Variants in SECISBP2L observed in about 807,000 individuals in gnomAD.
The protein encoded by SECISBP2L is SECIS binding protein 2 like, also known as selenocysteine insertion sequence-binding protein 2-like.
A neutral mutation model predicts 114.7 loss-of-function variants in SECISBP2L; 43 were observed. The ratio of observed to expected loss-of-function variants is 0.38; its 90% CI spans 0.29 to 0.48. The LOEUF (loss-of-function observed/expected upper bound fraction) is 0.48. Among genes scored for constraint, SECISBP2L ranks in the 20% least tolerant of loss-of-function variants. SECISBP2L has a pLI of 0.98. For missense variants in SECISBP2L, 1,136 were observed against 1,301.1 expected (o/e 0.87, Z 1.95); for synonymous variants, 451 against 439.7 (o/e 1.03, Z -0.32).
chr15:49,026,701 T>C (rs141312453), intron 7 of SECISBP2L, among the ~76,000 whole-genome samples: 45 of 152,338 alleles, frequency 3.0e-4, no homozygotes, highest in African/African-American at 1.1e-3. Context: ...CAGATGAACA[T>C]GTCCATATAG....
At chr15:49,044,663 C>A (rs893499986) in intron 1 of SECISBP2L, among the ~76,000 whole-genome samples, 7 of 151,978 alleles carry the variant, frequency 4.6e-5, no homozygotes, top group African/African-American at 1.5e-4. Flanking sequence ...TTTCCTAGTT[C>A]TTAAATTTCT....
rs1020192927 is a variant in SECISBP2L at position 49,009,381 on chromosome 15, G to A, written c.1865-3C>T. The A allele has an allele frequency of 1.9e-6, 3 of 1,603,714 alleles. No individual in the cohort carries two copies. Among genetic ancestry groups the A allele is most frequent in the Non-Finnish European group, 2.6e-6 (3 of 1,175,968 alleles). On this transcript the variant is annotated splice_polypyrimidine_tract_variant and splice_region_variant and intron_variant, in intron 13 of 17. Coordinates refer to ENST00000559471, the MANE Select transcript of SECISBP2L (RefSeq NM_001193489.2). The stretch of plus-strand genomic sequence containing the variant: ...ACTGGGCATGCTTAGTCCAGTATCT[G>A]TGGAGATGTGGAGTGAAGGGAAAAA...
chr15:49,044,405 A>C (rs1207986607), intron 1 of SECISBP2L, among the ~76,000 whole-genome samples: 1 of 152,202 alleles, frequency 6.6e-6, no homozygotes, highest in African/African-American at 2.4e-5. Flanking sequence ...AATACGATGA[A>C]AATAATGGAT....
rs911684189 is a variant in SECISBP2L at position 48,990,374 on chromosome 15, G to A, written c.*1870C>T. ...ACCAACGAACACTTCCAAATGTGTAGAGACAGTAAGATCTGCCATGTATAA... is the reference window on the plus strand; with the variant it reads ...ACCAACGAACACTTCCAAATGTGTAAAGACAGTAAGATCTGCCATGTATAA... On this transcript the variant is annotated 3_prime_UTR_variant, in exon 18 of 18. Transcript: ENST00000559471. The A allele has an allele frequency of 2.0e-5, 3 of 152,384 alleles. No individual in the cohort carries two copies. Among genetic ancestry groups the A allele is most frequent in the Admixed American group, 6.5e-5 (1 of 15,270 alleles). The allele number at this position is 152,384 out of a possible 1,614,324, so 9.4% of individuals were successfully genotyped here. A position where few individuals can be genotyped will look rare whatever the true frequency, so the allele number is the denominator to read the frequency against.
intron 5 of SECISBP2L, 63 bp from the exon 6 acceptor site, chr15:49,028,231 A>G: frequency 7.1e-7 from 1 of 1,402,904 alleles, no homozygotes; most frequent in Non-Finnish European, 9.7e-7. Flanking sequence ...GTACTTTGCT[A>G]AATGTTTTAT....
At chr15:49,019,340 T>C in intron 8 of SECISBP2L, 78 bp downstream of exon 8, 1 of 1,150,010 alleles carries the variant, frequency 8.7e-7, no homozygotes, top group South Asian at 3.4e-5. Flanking sequence ...GTACTCACAA[T>C]GTTCACAATG....
chr15:49,009,370 G>C lies in SECISBP2L; in HGVS notation c.1873C>G (p.Leu625Val). ...QEIVSQEDTG[L>V]SMPSDTSLSP... ...AGTGAAGTATCACTGGGCATGCTTA[G>C]TCCAGTATCTGTGGAGATGTGGAGT... is the stretch of plus-strand genomic sequence containing the variant. The change falls in exon 14 of 18, where the codon CTA (leucine) becomes GTA (valine). Residue 625 changes from leucine to valine, a missense_variant. Around this residue, in one of 2 missense-constraint regions of SECISBP2L, gnomAD observed 684 missense variants for 848.7 expected, o/e 0.81. Transcript: ENST00000559471. 6.2e-7 allele frequency: 1 copy of C among 1,613,200 alleles called. No individual in the cohort carries two copies. Among genetic ancestry groups the C allele is most frequent in the Non-Finnish European group, 8.5e-7 (1 of 1,179,632 alleles).
chr15:49,013,569 A>G (rs1902481967), intron 11 of SECISBP2L, among the ~76,000 whole-genome samples: 1 of 152,250 alleles, frequency 6.6e-6, no homozygotes, highest in African/African-American at 2.4e-5. Context: ...TGCTGGGATT[A>G]CAGGCGTGAG....
At chr15:49,013,008 A>G (rs1206043915) in intron 11 of SECISBP2L, 191 bp from the exon 12 acceptor site, 2 of 558,246 alleles carry the variant, frequency 3.6e-6, no homozygotes, top group Non-Finnish European at 6.2e-6. Context: ...AGACTAAGCC[A>G]ATGCAATTAA....
intron 15 of SECISBP2L, among the ~76,000 whole-genome samples, chr15:49,000,556 C>T (rs977035634): frequency 6.6e-6 from 1 of 152,138 alleles, no homozygotes; most frequent in Non-Finnish European, 1.5e-5. Flanking sequence ...GACAAATCAC[C>T]ACCATAAAAT....
intron 14 of SECISBP2L, 96 bp downstream of exon 14, chr15:49,009,120 C>A: frequency 1.5e-6 from 2 of 1,320,804 alleles, no homozygotes; most frequent in South Asian, 1.4e-5. Flanking sequence ...GGTCTTTTGT[C>A]TGCTTGACTC....
At chr15:49,040,817 C>A (rs1013032484) in intron 1 of SECISBP2L, among the ~76,000 whole-genome samples, 1 of 151,650 alleles carries the variant, frequency 6.6e-6, no homozygotes, top group African/African-American at 2.4e-5. Context: ...GGATTACAAG[C>A]GTGAGCCACC....
intron 1 of SECISBP2L, among the ~76,000 whole-genome samples, chr15:49,040,475 C>T (rs1265448263): frequency 6.6e-6 from 1 of 150,762 alleles, no homozygotes; most frequent in African/African-American, 2.4e-5. Flanking sequence ...CATCAAAATG[C>T]AGCATCTGTT....
Position 48,997,922 on chromosome 15 carries a change from A to G in SECISBP2L, c.2404-1336T>C, listed in dbSNP as rs183134868. Among the ~76,000 whole-genome samples the G allele has an allele frequency of 2.6e-5, 4 of 152,318 alleles. No individual in the cohort carries two copies. In the East Asian group the frequency reaches 7.7e-4, roughly 29 times the overall value. On this transcript the variant is annotated intron_variant, in intron 16 of 17. Transcript: ENST00000559471. Reference sequence around the variant, plus strand: ...CATATAGCATTAAAGTTGCACTTCAATAACCATGATACCGAATGATGTCCA... The same window carrying G: ...CATATAGCATTAAAGTTGCACTTCAGTAACCATGATACCGAATGATGTCCA...
At chr15:49,031,732 A>G (rs1478616586) in intron 4 of SECISBP2L, among the ~76,000 whole-genome samples, 1 of 152,230 alleles carries the variant, frequency 6.6e-6, no homozygotes, top group Non-Finnish European at 1.5e-5. Context: ...TGTATAATAT[A>G]TAACATTCTA....
In SECISBP2L at chr15:49,046,318, G is replaced by C; in HGVS notation, c.-19C>G. 1 of 1,540,914 alleles carries C rather than the reference G, an allele frequency of 6.5e-7. No individual in the cohort carries two copies. The highest frequency in any genetic ancestry group is 1.2e-5 in the South Asian group (1 of 83,452). On this transcript the variant is annotated 5_prime_UTR_variant, in exon 1 of 18. Coordinates refer to ENST00000559471, the MANE Select transcript of SECISBP2L (RefSeq NM_001193489.2). ...GGTCCATGGTGCCTGCAGCCGCAAC[G>C]GGCCCGCGCTAGTCGGTGTAAACAG... is the stretch of plus-strand genomic sequence containing the variant.
chr15:48,993,142 T>TGTGTGTGTGTGTGTGTG (rs1902024124), intron 17 of SECISBP2L, among the ~76,000 whole-genome samples: 2 of 149,302 alleles, frequency 1.3e-5, no homozygotes, highest in African/African-American at 4.9e-5. Context: ...TGTGTGTGTG[T>TGTGTGTGTGTGTGTGTG]TTCAGATGGG....
In SECISBP2L at chr15:48,999,894, C is replaced by T; in HGVS notation, c.2342G>A (p.Arg781His). The change falls in exon 16 of 18, where the codon CGC becomes CAC. Residue 781 changes from arginine to histidine, a missense_variant. This residue lies in a region of SECISBP2L where 684 missense variants were observed against 848.7 expected (regional missense o/e 0.81). Transcript: ENST00000559471. ...AACAGGAACCAGCTTGTTCACACAGCGTCCTAGAGCTTTCCTTCCAAGGGC... is the reference window on the plus strand; with the variant it reads ...AACAGGAACCAGCTTGTTCACACAGTGTCCTAGAGCTTTCCTTCCAAGGGC... ...VFALGRKALG[R>H]CVNKLVPVSV... 2 of 1,613,932 alleles carry T rather than the reference C, an allele frequency of 1.2e-6. No homozygotes were observed. The highest frequency in any genetic ancestry group is 1.7e-6 in the Non-Finnish European group (2 of 1,179,922).
chr15:48,999,254 T>C (rs1017702822), intron 16 of SECISBP2L, among the ~76,000 whole-genome samples: 1 of 152,218 alleles, frequency 6.6e-6, no homozygotes, highest in Non-Finnish European at 1.5e-5. Flanking sequence ...GAATCAACTT[T>C]GTTAAAAAAC....
Sources: allele counts gnomAD v4.1 joint callset (sites outside exome capture counted in the v4.1 genomes callset), GRCh38; gene constraint gnomAD v4.1.1; regional missense constraint gnomAD v4.1.1; transcripts MANE v1.5; gene names NCBI Gene and HGNC (gene_info 2026-07-23, HGNC 2026-07-21).